Variants in ALDH1L1 observed in about 807,000 individuals in gnomAD.
ALDH1L1 encodes the protein aldehyde dehydrogenase 1 family member L1.
In ALDH1L1, 68 loss-of-function variants were observed where a neutral mutation model predicts 101.1. That is an observed-to-expected ratio of 0.67 (90% CI 0.55 to 0.82). The LOEUF (loss-of-function observed/expected upper bound fraction) is 0.82. Among genes scored for constraint, ALDH1L1 ranks in the 40% least tolerant of loss-of-function variants. The pLI is 0.00. For synonymous variants in ALDH1L1, 486 were observed against 470.8 expected (o/e 1.03, Z -0.42); for missense variants, 1,087 against 1,172.7 (o/e 0.93, Z 1.07).
At chr3:126,122,682 G>A (rs925738322) in intron 16 of ALDH1L1, among the ~76,000 whole-genome samples, 8 of 152,172 alleles carry the variant, frequency 5.3e-5, no homozygotes, top group African/African-American at 1.9e-4. Context: ...CACAAACAGG[G>A]AGAAGATAAC....
At chr3:126,163,888 C>T (rs563487125) in intron 1 of ALDH1L1, among the ~76,000 whole-genome samples, 4 of 152,172 alleles carry the variant, frequency 2.6e-5, no homozygotes, top group Admixed American at 6.5e-5. Context: ...AACCCCAGCA[C>T]GTTGGGAGGC....
rs757762713 is a variant in ALDH1L1, at chr3:126,105,923, T to C, written c.2456A>G (p.Asp819Gly). ...GGCCCGAGACAGCACGGCATCCAAG[T>C]CCCTGGAGAGAAAGTCCAGGAAGAA... ...VMIISRFADG[D>G]LDAVLSRANA... The change falls in exon 22 of 23, where the codon GAC becomes GGC. Residue 819 changes from aspartate (D) to glycine (G), a missense_variant and splice_region_variant. Around this residue, in one of 2 missense-constraint regions of ALDH1L1, gnomAD observed 442 missense variants for 535.7 expected, o/e 0.83. Coordinates refer to ENST00000393434, the MANE Select transcript of ALDH1L1 (RefSeq NM_012190.4). The C allele has an allele frequency of 6.2e-7, 1 of 1,611,380 alleles. No homozygotes were observed. Among genetic ancestry groups the C allele is most frequent in the Admixed American group, 1.7e-5 (1 of 59,972 alleles).
chr3:126,125,464 G>T, intron 15 of ALDH1L1, 152 bp downstream of exon 15: 1 of 485,400 alleles, frequency 2.1e-6, no homozygotes, highest in Non-Finnish European at 3.4e-6. Context: ...TGCCCACTGA[G>T]AGTGGGGCCC....
intron 11 of ALDH1L1, among the ~76,000 whole-genome samples, chr3:126,136,343 C>G (rs1327131162): frequency 6.6e-6 from 1 of 152,070 alleles, no homozygotes; most frequent in Non-Finnish European, 1.5e-5. Context: ...CTCATGATGC[C>G]ACAAGGTCAC....
intron 16 of ALDH1L1, among the ~76,000 whole-genome samples, chr3:126,123,245 A>G (rs1212282921): frequency 6.9e-6 from 1 of 144,726 alleles, no homozygotes; most frequent in Non-Finnish European, 1.5e-5. Flanking sequence ...GGTGTGAGGT[A>G]TCACCAAAAC....
intron 1 of ALDH1L1, among the ~76,000 whole-genome samples, chr3:126,193,144 A>T (rs997635257): frequency 1.3e-5 from 2 of 152,204 alleles, no homozygotes; most frequent in African/African-American, 4.8e-5. Context: ...GTTCATCCAC[A>T]AGACTTGAAT....
In ALDH1L1 at chr3:126,160,967, C is replaced by T; in HGVS notation, c.13G>A (p.Val5Met). MKIAVIGQSLFGQEV... is the reference protein window; with the variant it reads MKIAMIGQSLFGQEV... ...TGGCCAAACAGGCTCTGTCCAATCACTGCAATCTTCATGGTAGCAGGAGGG... is the reference window on the plus strand; with the variant it reads ...TGGCCAAACAGGCTCTGTCCAATCATTGCAATCTTCATGGTAGCAGGAGGG... The change falls in exon 2 of 23, where the codon GTG becomes ATG. Residue 5 changes from valine (V) to methionine (M), a missense_variant. By Grantham distance (21) the Val-to-Met change is conservative. Transcript: ENST00000393434. 6.2e-7 allele frequency: 1 copy of T among 1,614,242 alleles called. No homozygotes were observed.
At chr3:126,150,554 TC>T in intron 7 of ALDH1L1, 23 bp from the exon 8 acceptor site, 1 of 1,544,370 alleles carries the variant, frequency 6.5e-7, no homozygotes, top group Non-Finnish European at 8.8e-7. Context: ...GGATTTCTTT[TC>T]TTTTCTTTTC....
intron 2 of ALDH1L1, among the ~76,000 whole-genome samples, 176 bp downstream of exon 2, chr3:126,160,677 A>G (rs146376761): frequency 0.014 from 2,069 of 152,312 alleles, 14 homozygotes; most frequent in Non-Finnish European, 0.019. Flanking sequence ...ATTCCAGAAA[A>G]GCCCAGCAGC....
intron 1 of ALDH1L1, among the ~76,000 whole-genome samples, chr3:126,191,308 A>G (rs899464766): frequency 6.6e-6 from 1 of 152,226 alleles, no homozygotes; most frequent in Non-Finnish European, 1.5e-5. Context: ...CTCAGGTTAA[A>G]ACTCTACTGA....
intron 9 of ALDH1L1, among the ~76,000 whole-genome samples, chr3:126,145,171 A>G (rs2080649104): frequency 6.6e-6 from 1 of 152,234 alleles, no homozygotes; most frequent in Non-Finnish European, 1.5e-5. Flanking sequence ...TCAAAAGGAA[A>G]GAAGAAAAGG....
intron 1 of ALDH1L1, among the ~76,000 whole-genome samples, chr3:126,172,470 C>T (rs1468705050): frequency 6.6e-6 from 1 of 151,500 alleles, no homozygotes; most frequent in African/African-American, 2.4e-5. Flanking sequence ...AGACTGGATA[C>T]AGTTGAGGAA....
At position 126,111,055 on chromosome 3, in the gene ALDH1L1, C is replaced by T. The variant is rs111580412; in HGVS notation, c.2182-946G>A. 4.6e-5 allele frequency among the ~76,000 whole-genome samples: 7 copies of T among 152,346 alleles called. 1 individual carries two copies. The highest frequency in any genetic ancestry group is 9.6e-5 in the African/African-American group (4 of 41,578). ...CCCGCAGTCACACTCCCCCCATGAC[C>T]GCCACTTTATCTCCAGTAGTCCCTG... On this transcript the variant is annotated intron_variant, in intron 19 of 22. Coordinates refer to ENST00000393434, the MANE Select transcript of ALDH1L1 (RefSeq NM_012190.4).
At chr3:126,125,782 C>A (rs2080171001) in intron 14 of ALDH1L1, 61 bp from the exon 15 acceptor site, 3 of 1,192,492 alleles carry the variant, frequency 2.5e-6, no homozygotes, top group Non-Finnish European at 3.4e-6. Context: ...AGTGGACCTG[C>A]CAATTCCCTC....
chr3:126,159,003 C>T (rs538680931), intron 2 of ALDH1L1, among the ~76,000 whole-genome samples: 27 of 152,312 alleles, frequency 1.8e-4, no homozygotes, highest in Non-Finnish European at 3.7e-4. Flanking sequence ...TGCCCCCCTG[C>T]AGATGGCATT....
intron 14 of ALDH1L1, chr3:126,128,279 C>G (rs545473230): frequency 9.2e-5 from 14 of 152,408 alleles, no homozygotes; most frequent in African/African-American, 3.4e-4. Flanking sequence ...TCCTCTTAGT[C>G]CCATTACCCA....
chr3:126,147,121 G>C (rs983908970), intron 8 of ALDH1L1, among the ~76,000 whole-genome samples, 195 bp from the exon 9 acceptor site: 1 of 152,196 alleles, frequency 6.6e-6, no homozygotes, highest in Non-Finnish European at 1.5e-5. Flanking sequence ...AGAAGGAGCT[G>C]CCACATCCCA....
chr3:126,176,139 C>G (rs1172056205), intron 1 of ALDH1L1, among the ~76,000 whole-genome samples: 1 of 152,036 alleles, frequency 6.6e-6, no homozygotes, highest in African/African-American at 2.4e-5. Flanking sequence ...TAAAATAGGT[C>G]AAAATCTATG....
chr3:126,130,489 C>G (rs2080279586), intron 13 of ALDH1L1, among the ~76,000 whole-genome samples, 196 bp from the exon 14 acceptor site: 1 of 152,248 alleles, frequency 6.6e-6, no homozygotes, highest in Admixed American at 6.5e-5. Flanking sequence ...GCAGGCAGAG[C>G]CCTTGGGTGG....
Sources: gnomAD v4.1 joint callset for allele counts (sites outside exome capture counted in the v4.1 genomes callset) on GRCh38, gnomAD v4.1.1 for gene constraint, gnomAD v4.1.1 regional missense constraint, MANE v1.5 for transcripts, NCBI Gene and HGNC (gene_info 2026-07-23, HGNC 2026-07-21) for gene names.